The following CNBD1 variants were observed in gnomAD, a reference collection of about 807,000 sequenced individuals.
CNBD1 encodes cyclic nucleotide binding domain containing 1.
CNBD1 carries 71 observed loss-of-function variants against 54.4 expected under a neutral mutation model. The observed-to-expected ratio is 1.30, with a 90% CI of 1.08 to 1.59. CNBD1 has a LOEUF of 1.59. Ranked by LOEUF, CNBD1 falls within the 40% of genes most tolerant of loss-of-function variation. CNBD1 has a pLI of 0.00. For missense variants in CNBD1, 659 were observed against 518.0 expected, an observed-to-expected ratio of 1.27 and a Z score of -2.64; for synonymous variants, 182 against 170.7, an observed-to-expected ratio of 1.07 and a Z score of -0.51.
chr8:87,096,804 CTTT>C (rs200048715), intron 4 of CNBD1, among the ~76,000 whole-genome samples: 2 of 145,762 alleles, frequency 1.4e-5, no homozygotes, highest in Non-Finnish European at 1.5e-5. Context: ...TTTTTCTTCC[CTTT>C]TTTTTTTTTT....
chr8:87,332,260 A>T (rs1809850947), intron 8 of CNBD1, among the ~76,000 whole-genome samples: 1 of 152,016 alleles, frequency 6.6e-6, no homozygotes, highest in South Asian at 2.1e-4. Flanking sequence ...AGTCAGGAGA[A>T]TCGCTTGAAC....
At chr8:87,075,799 T>G (rs1810856831) in intron 4 of CNBD1, among the ~76,000 whole-genome samples, 1 of 152,186 alleles carries the variant, frequency 6.6e-6, no homozygotes, top group African/African-American at 2.4e-5. Context: ...ATCTTTTTAT[T>G]TTTGTTTTTA....
At chr8:87,217,936 G>A (rs915078764) in intron 5 of CNBD1, among the ~76,000 whole-genome samples, 7 of 151,908 alleles carry the variant, frequency 4.6e-5, no homozygotes, top group African/African-American at 1.4e-4. Context: ...TTAGTAGAAG[G>A]GCGTTTCATA....
At chr8:87,357,738 G>T (rs190517312) in intron 10 of CNBD1, among the ~76,000 whole-genome samples, 1 of 152,122 alleles carries the variant, frequency 6.6e-6, no homozygotes, top group African/African-American at 2.4e-5. Flanking sequence ...TTGGGAAGGG[G>T]TGATTATATA....
intron 2 of CNBD1, among the ~76,000 whole-genome samples, chr8:87,410,981 A>G (rs1807731367): frequency 6.6e-6 from 1 of 152,080 alleles, no homozygotes; most frequent in African/African-American, 2.4e-5. Flanking sequence ...TTTTTTAGAT[A>G]TACTGCTATT....
At chr8:87,281,557 TA>T (rs1808599449) in intron 6 of CNBD1, among the ~76,000 whole-genome samples, 2 of 6,684 alleles carry the variant, frequency 3.0e-4, no homozygotes, top group Non-Finnish European at 4.0e-4. Flanking sequence ...TATATATATA[TA>T]TATATATATA....
At chr8:87,027,117 TA>T (rs1200207206) in intron 4 of CNBD1, among the ~76,000 whole-genome samples, 1 of 152,156 alleles carries the variant, frequency 6.6e-6, no homozygotes. Context: ...AAACGCAATA[TA>T]TAACATAATA....
intron 8 of CNBD1, among the ~76,000 whole-genome samples, chr8:87,298,397 C>A (rs1795385494): frequency 6.6e-6 from 1 of 152,022 alleles, no homozygotes; most frequent in Admixed American, 6.6e-5. Flanking sequence ...AGGGGCTACT[C>A]CTCACCCCAT....
chr8:87,369,430 G>A (rs1586053412), intron 10 of CNBD1, among the ~76,000 whole-genome samples: 1 of 149,726 alleles, frequency 6.7e-6, no homozygotes, highest in Non-Finnish European at 1.5e-5. Flanking sequence ...ATGTGGAACT[G>A]AATTACCACA....
downstream of CNBD1, among the ~76,000 whole-genome samples, chr8:87,386,573 A>G (rs557247472): frequency 6.6e-6 from 1 of 152,284 alleles, no homozygotes; most frequent in Admixed American, 6.5e-5. Context: ...AATAAAAAGA[A>G]ATGAAAAAAG....
intron 4 of CNBD1, among the ~76,000 whole-genome samples, chr8:87,031,016 C>A (rs113475209): frequency 2.8e-5 from 4 of 145,042 alleles, no homozygotes; most frequent in Non-Finnish European, 4.5e-5. Context: ...AAAAAAAATT[C>A]TTCCAGAAGC....
intron 1 of CNBD1, among the ~76,000 whole-genome samples, chr8:86,879,164 C>A (rs1808567378): frequency 6.6e-6 from 1 of 151,920 alleles, no homozygotes; most frequent in Non-Finnish European, 1.5e-5. Flanking sequence ...TGATTCTCAC[C>A]TGACAAATTA....
intron 2 of CNBD1, among the ~76,000 whole-genome samples, chr8:87,406,401 A>T (rs1349211072): frequency 6.6e-6 from 1 of 151,660 alleles, no homozygotes; most frequent in Non-Finnish European, 1.5e-5. Flanking sequence ...AATTAAATAT[A>T]TTCATTCACT....
At chr8:86,966,641 T>C (rs1266575379) in intron 4 of CNBD1, among the ~76,000 whole-genome samples, 1 of 152,032 alleles carries the variant, frequency 6.6e-6, no homozygotes, top group Non-Finnish European at 1.5e-5. Context: ...TTGCGGTGAG[T>C]GTTACAGCTC....
At chr8:87,174,837 C>T (rs1333862454) in intron 4 of CNBD1, among the ~76,000 whole-genome samples, 2 of 152,152 alleles carry the variant, frequency 1.3e-5, no homozygotes. Flanking sequence ...AGAGGTACTG[C>T]CTTGGTGGTC....
chr8:87,109,786 C>T (rs139590545), intron 4 of CNBD1, among the ~76,000 whole-genome samples: 4,345 of 152,098 alleles, frequency 0.029, 217 homozygotes, highest in African/African-American at 0.099. Flanking sequence ...GATCTGCCTG[C>T]CTCAGCCTCC....
chr8:87,390,572 A>T (rs112439438), intron 2 of CNBD1, among the ~76,000 whole-genome samples: 2,868 of 152,258 alleles, frequency 0.019, 91 homozygotes, highest in African/African-American at 0.062. Context: ...AATGGCGATC[A>T]TTAAAAAGTC....
chr8:87,025,063 G>A (rs1321815633), intron 4 of CNBD1, among the ~76,000 whole-genome samples: 1 of 152,176 alleles, frequency 6.6e-6, no homozygotes, highest in Non-Finnish European at 1.5e-5. Context: ...GAAGCCAGCT[G>A]GGCGTCTGGG....
chr8:87,197,221 A>G lies in CNBD1; in HGVS notation c.432-8772A>G, dbSNP rs564895541. Among the ~76,000 whole-genome samples, 10 of 152,324 alleles carry G rather than the reference A, an allele frequency of 6.6e-5. 1 individual carries two copies. In the South Asian group the frequency reaches 1.0e-3, roughly 16 times the overall value. ...TTTTATTCACTGAAGTATTTCCTAC[A>G]GTGAGAGTGTGCCAGGAAGCACTGG... On this transcript the variant is annotated intron_variant, in intron 4 of 10. Transcript: ENST00000518476.
Sources: allele counts gnomAD v4.1 joint callset (sites outside exome capture counted in the v4.1 genomes callset), GRCh38; gene constraint gnomAD v4.1.1; transcripts MANE v1.5; gene names NCBI Gene and HGNC (gene_info 2026-07-23, HGNC 2026-07-21).